PRKCA: variants seen among roughly 807,000 people sequenced by gnomAD.
The protein encoded by PRKCA is protein kinase C alpha.
PRKCA carries 27 observed loss-of-function variants against 87.0 expected under a neutral mutation model. The ratio of observed to expected loss-of-function variants is 0.31; its 90% CI spans 0.23 to 0.43. The LOEUF (loss-of-function observed/expected upper bound fraction) is 0.43, where lower values mean the gene tolerates loss of function less well. Among genes scored for constraint, PRKCA ranks in the 20% least tolerant of loss-of-function variants. The probability of loss-of-function intolerance (pLI) is 1.00; values close to 1 mark genes in which losing one functional copy is unlikely to be tolerated. For synonymous variants in PRKCA, 329 were observed against 311.1 expected (o/e 1.06, Z -0.61); for missense variants, 518 against 852.3 (o/e 0.61, Z 4.88).
At chr17:66,730,560 A>G (rs1330761306) in intron 8 of PRKCA, among the ~76,000 whole-genome samples, 4 of 152,236 alleles carry the variant, frequency 2.6e-5, no homozygotes, top group Non-Finnish European at 4.4e-5. Context: ...TAACTTCCAC[A>G]TATTGCCATG....
chr17:66,458,306 A>G (rs1424075924), intron 2 of PRKCA, among the ~76,000 whole-genome samples: 1 of 152,124 alleles, frequency 6.6e-6, no homozygotes, highest in Non-Finnish European at 1.5e-5. Context: ...AAATAAAGTT[A>G]TATCTAAAAC....
intron 3 of PRKCA, chr17:66,639,468 A>G (rs1405843648): frequency 2.0e-5 from 3 of 151,956 alleles, no homozygotes; most frequent in Admixed American, 6.6e-5. Flanking sequence ...GCTCACTGCA[A>G]CCTCCACCTC....
At chr17:66,547,660 G>T (rs1167507741) in intron 3 of PRKCA, among the ~76,000 whole-genome samples, 1 of 152,104 alleles carries the variant, frequency 6.6e-6, no homozygotes, top group Non-Finnish European at 1.5e-5. Context: ...AGTTACTTGA[G>T]AATCAAGAGT....
chr17:66,724,059 G>A (rs1289561462), intron 8 of PRKCA, among the ~76,000 whole-genome samples: 1 of 152,160 alleles, frequency 6.6e-6, no homozygotes, highest in Non-Finnish European at 1.5e-5. Flanking sequence ...AATGTGCACA[G>A]GACCCACCCA....
At chr17:66,558,477 A>G (rs1030979848) in intron 3 of PRKCA, among the ~76,000 whole-genome samples, 8 of 151,998 alleles carry the variant, frequency 5.3e-5, no homozygotes, top group Non-Finnish European at 7.4e-5. Flanking sequence ...CCAGGGAGAA[A>G]GGAGCTTGGC....
chr17:66,772,532 A>G (rs1974958248), intron 13 of PRKCA, among the ~76,000 whole-genome samples: 1 of 152,122 alleles, frequency 6.6e-6, no homozygotes, highest in Non-Finnish European at 1.5e-5. Flanking sequence ...TTCAAAGTAA[A>G]AGTTGTAAGC....
chr17:66,700,296 A>G (rs1973029678), intron 8 of PRKCA, among the ~76,000 whole-genome samples: 1 of 152,204 alleles, frequency 6.6e-6, no homozygotes, highest in South Asian at 2.1e-4. Flanking sequence ...GTATAAAGGA[A>G]TGTACCTCAA....
chr17:66,348,602 C>T (rs1907550486), intron 2 of PRKCA, among the ~76,000 whole-genome samples: 1 of 152,064 alleles, frequency 6.6e-6, no homozygotes, highest in South Asian at 2.1e-4. Context: ...TGCCAATTGC[C>T]CAAAACAGTG....
intron 3 of PRKCA, among the ~76,000 whole-genome samples, chr17:66,565,567 A>C (rs1968864864): frequency 1.3e-5 from 2 of 152,230 alleles, no homozygotes; most frequent in South Asian, 4.1e-4. Flanking sequence ...CCAGGGCTAC[A>C]AATCAGTAGC....
intron 2 of PRKCA, among the ~76,000 whole-genome samples, chr17:66,334,356 G>A (rs1906531147): frequency 6.6e-6 from 1 of 152,142 alleles, no homozygotes; most frequent in African/African-American, 2.4e-5. Flanking sequence ...ATACTCTTCT[G>A]TCTTTTTAAG....
chr17:66,534,449 C>T (rs1219892758), intron 3 of PRKCA, among the ~76,000 whole-genome samples: 6 of 152,044 alleles, frequency 3.9e-5, no homozygotes, highest in African/African-American at 9.7e-5. Flanking sequence ...GGGCGGATCA[C>T]GAGGTCAAGA....
intron 8 of PRKCA, among the ~76,000 whole-genome samples, chr17:66,730,335 C>T (rs1401964098): frequency 2.0e-5 from 3 of 152,078 alleles, no homozygotes; most frequent in South Asian, 2.1e-4. Flanking sequence ...CAAGAGCAAA[C>T]CTACAGAGTA....
chr17:66,380,818 A>G (rs1337224917), intron 2 of PRKCA, among the ~76,000 whole-genome samples: 1 of 152,232 alleles, frequency 6.6e-6, no homozygotes. Flanking sequence ...CAATGAAATG[A>G]TGCTAGATCT....
intron 2 of PRKCA, among the ~76,000 whole-genome samples, chr17:66,340,611 C>T (rs552179037): frequency 1.3e-5 from 2 of 151,996 alleles, no homozygotes; most frequent in East Asian, 3.9e-4. Context: ...AAACCACATT[C>T]AAAGGAAAAA....
intron 2 of PRKCA, among the ~76,000 whole-genome samples, chr17:66,348,361 G>C (rs1344369610): frequency 6.6e-6 from 1 of 152,130 alleles, no homozygotes; most frequent in Non-Finnish European, 1.5e-5. Flanking sequence ...AGTACCGCCT[G>C]GCACTGTCAC....
rs906818590 is a variant in PRKCA, at chr17:66,809,845, T to A, written c.*5808T>A. On this transcript the variant is annotated 3_prime_UTR_variant, in exon 17 of 17. Coordinates refer to ENST00000413366, the MANE Select transcript of PRKCA (RefSeq NM_002737.3). ...TTCTGGGACCCCTTTCCTTGCTCCG[T>A]GAGGCTCTGTGGCCATCTTTTGGCA... 1.3e-4 allele frequency: 20 copies of A among 152,248 alleles called. No homozygotes were observed. The highest frequency in any genetic ancestry group is 4.8e-4 in the African/African-American group (20 of 41,460). 9.4% of individuals were successfully genotyped at this position (152,248 alleles called of 1,614,324 possible).
intron 3 of PRKCA, among the ~76,000 whole-genome samples, chr17:66,575,713 A>G (rs1969220053): frequency 6.6e-6 from 1 of 152,210 alleles, no homozygotes; most frequent in African/African-American, 2.4e-5. Context: ...TTACCACCTT[A>G]TGCATTGGTG....
At chr17:66,368,240 A>C (rs956719408) in intron 2 of PRKCA, among the ~76,000 whole-genome samples, 4 of 151,758 alleles carry the variant, frequency 2.6e-5, no homozygotes, top group Non-Finnish European at 5.9e-5. Context: ...AATTGTTGAC[A>C]ATTCCAGTGA....
intron 5 of PRKCA, among the ~76,000 whole-genome samples, chr17:66,650,224 C>T (rs757854602): frequency 6.6e-6 from 1 of 152,188 alleles, no homozygotes; most frequent in Non-Finnish European, 1.5e-5. Context: ...GGATGGAAAC[C>T]TCCGTTTGCA....
Sources: allele counts gnomAD v4.1 joint callset (sites outside exome capture counted in the v4.1 genomes callset), GRCh38; gene constraint gnomAD v4.1.1; transcripts MANE v1.5; gene names NCBI Gene and HGNC (gene_info 2026-07-23, HGNC 2026-07-21).